The following HYAL4 variants were observed in gnomAD, a reference collection of about 807,000 sequenced individuals.
HYAL4 encodes hyaluronidase 4.
Under a neutral mutation model 35.2 loss-of-function variants are expected in HYAL4, and 37 were observed. The observed-to-expected ratio is 1.05, with a 90% CI of 0.81 to 1.38. HYAL4 has a LOEUF of 1.38. Ranked by LOEUF, HYAL4 falls within the 40% of genes most tolerant of loss-of-function variation. The probability of loss-of-function intolerance (pLI) is 0.00; values close to 1 mark genes in which losing one functional copy is unlikely to be tolerated. For missense variants in HYAL4, 572 were observed against 572.4 expected (o/e 1.00, Z 0.01); for synonymous variants, 198 against 203.2 (o/e 0.97, Z 0.22).
the HYAL4 span, among the ~76,000 whole-genome samples, chr7:123,801,652 CAT>C: frequency 4.6e-5 from 7 of 152,036 alleles, no homozygotes; most frequent in Non-Finnish European, 8.8e-5. Context: ...AATTTTATTT[CAT>C]GTTTGATTTT....
intron 1 of HYAL4, among the ~76,000 whole-genome samples, chr7:123,839,130 T>G (rs966976407): frequency 2.6e-5 from 4 of 151,980 alleles, no homozygotes; most frequent in African/African-American, 9.7e-5. Flanking sequence ...ATGCTATCCC[T>G]CCCCCAGCTC....
intron 1 of HYAL4, among the ~76,000 whole-genome samples, chr7:123,847,688 G>A (rs945030168): frequency 6.6e-6 from 1 of 152,122 alleles, no homozygotes; most frequent in African/African-American, 2.4e-5. Context: ...TGAGACAGGA[G>A]AATCACTTGA....
upstream of HYAL4, among the ~76,000 whole-genome samples, chr7:123,841,506 T>C (rs1584911598): frequency 6.6e-6 from 1 of 152,112 alleles, no homozygotes; most frequent in Non-Finnish European, 1.5e-5. Flanking sequence ...GTTGGCCTCA[T>C]AGAATGAGTT....
intron 1 of HYAL4, among the ~76,000 whole-genome samples, chr7:123,836,423 T>G (rs1805963946): frequency 6.6e-6 from 1 of 152,214 alleles, no homozygotes; most frequent in African/African-American, 2.4e-5. Context: ...AGTGTCCATT[T>G]GCATGGAATA....
the HYAL4 span, among the ~76,000 whole-genome samples, chr7:123,789,234 G>A: frequency 4.6e-3 from 698 of 152,312 alleles, 3 homozygotes; most frequent in Middle Eastern, 0.014. Flanking sequence ...AATTTAGGAC[G>A]TGAAGTGATA....
At chr7:123,793,195 C>T in the HYAL4 span, among the ~76,000 whole-genome samples, 4 of 152,192 alleles carry the variant, frequency 2.6e-5, no homozygotes, top group Non-Finnish European at 5.9e-5. Context: ...GGGTCTCATG[C>T]CATGCTCCAA....
At chr7:123,876,461 CAT>C (rs1012692872) in intron 4 of HYAL4, among the ~76,000 whole-genome samples, 101 of 152,310 alleles carry the variant, frequency 6.6e-4, no homozygotes, top group Middle Eastern at 3.4e-3. Flanking sequence ...GGCAAGGTCT[CAT>C]GTGCTGATTC....
the HYAL4 span, among the ~76,000 whole-genome samples, chr7:123,783,141 G>A: frequency 6.6e-6 from 1 of 152,096 alleles, no homozygotes; most frequent in Admixed American, 6.5e-5. Flanking sequence ...GGAAATCTGA[G>A]TTTCAGCTAA....
At chr7:123,800,400 A>C in the HYAL4 span, among the ~76,000 whole-genome samples, 15 of 148,898 alleles carry the variant, frequency 1.0e-4, no homozygotes, top group African/African-American at 3.4e-4. Flanking sequence ...CGATCTCCTG[A>C]CTTCGTGATC....
upstream of HYAL4, among the ~76,000 whole-genome samples, chr7:123,843,470 ATG>A (rs1489223549): frequency 6.6e-6 from 1 of 151,658 alleles, no homozygotes; most frequent in African/African-American, 2.4e-5. Context: ...TCTGACAATT[ATG>A]TGTCTTGGGG....
the HYAL4 span, among the ~76,000 whole-genome samples, chr7:123,815,189 A>T: frequency 3.9e-5 from 6 of 152,150 alleles, no homozygotes; most frequent in Non-Finnish European, 8.8e-5. Flanking sequence ...ATGTCAACTC[A>T]ATTCTGAAAA....
intron 3 of HYAL4, among the ~76,000 whole-genome samples, chr7:123,870,406 A>G (rs1284418708): frequency 6.6e-6 from 1 of 152,206 alleles, no homozygotes; most frequent in Non-Finnish European, 1.5e-5. Flanking sequence ...TACCACCCAG[A>G]AAAATCAGTG....
chr7:123,875,454 C>T (rs1290386781), intron 4 of HYAL4, among the ~76,000 whole-genome samples: 4 of 151,654 alleles, frequency 2.6e-5, no homozygotes, highest in East Asian at 1.9e-4. Flanking sequence ...GCCAGGAGTT[C>T]GAGACCAGCC....
intron 3 of HYAL4, among the ~76,000 whole-genome samples, chr7:123,872,797 C>T (rs1198763737): frequency 1.3e-5 from 2 of 152,124 alleles, no homozygotes; most frequent in East Asian, 3.9e-4. Context: ...CATTCAGCAC[C>T]CTACTGTCTG....
At chr7:123,771,038 T>C in the HYAL4 span, among the ~76,000 whole-genome samples, 2 of 151,944 alleles carry the variant, frequency 1.3e-5, no homozygotes, top group Non-Finnish European at 2.9e-5. Flanking sequence ...AAAAAGAGGG[T>C]GAGGAAGAGA....
intron 1 of HYAL4, among the ~76,000 whole-genome samples, chr7:123,832,506 T>C (rs868332967): frequency 0.021 from 2,185 of 104,778 alleles, 336 homozygotes; most frequent in African/African-American, 0.076. Flanking sequence ...TTTTTTTTTT[T>C]TTTTTTTTTT....
At chr7:123,822,392 T>C in the HYAL4 span, among the ~76,000 whole-genome samples, 1 of 152,180 alleles carries the variant, frequency 6.6e-6, no homozygotes, top group Non-Finnish European at 1.5e-5. Context: ...ATTTTATTAT[T>C]TTTAATGGTA....
At chr7:123,862,413 G>T (rs975505590) in intron 2 of HYAL4, among the ~76,000 whole-genome samples, 4 of 152,024 alleles carry the variant, frequency 2.6e-5, no homozygotes, top group Admixed American at 1.3e-4. Context: ...AGAAATAGAA[G>T]ACATGTAGAT....
chr7:123,859,701 C>T (rs1469190390), intron 2 of HYAL4, among the ~76,000 whole-genome samples: 1 of 152,170 alleles, frequency 6.6e-6, no homozygotes, highest in East Asian at 1.9e-4. Context: ...TTTAGGAAAA[C>T]TTGATTCCTT....
Sources: allele counts gnomAD v4.1 joint callset (sites outside exome capture counted in the v4.1 genomes callset), GRCh38; gene constraint gnomAD v4.1.1; transcripts MANE v1.5; gene names NCBI Gene and HGNC (gene_info 2026-07-23, HGNC 2026-07-21).